Variants in SLC16A7 observed in about 807,000 individuals in gnomAD.
The protein encoded by SLC16A7 is solute carrier family 16 member 7.
SLC16A7 carries 33 observed loss-of-function variants against 34.9 expected under a neutral mutation model. That is an observed-to-expected ratio of 0.94 (90% CI 0.72 to 1.26). The LOEUF (loss-of-function observed/expected upper bound fraction) is 1.26. SLC16A7 is among the 50% of genes most tolerant of loss of function. The pLI is 0.00. For synonymous variants in SLC16A7, 201 were observed against 206.6 expected, an observed-to-expected ratio of 0.97 and a Z score of 0.23; for missense variants, 573 against 578.1, an observed-to-expected ratio of 0.99 and a Z score of 0.09.
intron 1 of SLC16A7, among the ~76,000 whole-genome samples, chr12:59,643,385 T>C (rs1880772223): frequency 6.6e-6 from 1 of 152,196 alleles, no homozygotes; most frequent in Admixed American, 6.5e-5. Context: ...TATATGTCTA[T>C]AAATCTAGTT....
rs569103538 is a variant in SLC16A7 at position 59,668,402 on chromosome 12, T to C, written c.-31+13152T>C. ...CTCTTGCATCAGCATGTCCTGGATT[T>C]GGGACATGTAATCAAAGGAGATCAT... On this transcript the variant is annotated intron_variant, in intron 2 of 5. Transcript: ENST00000547379. Among the ~76,000 whole-genome samples, 97 of 152,326 alleles carry C rather than the reference T, an allele frequency of 6.4e-4. 1 individual carries two copies. Among genetic ancestry groups the C allele is most frequent in the African/African-American group, 2.1e-3 (89 of 41,580 alleles).
At chr12:59,710,739 T>C (rs935225915) in intron 3 of SLC16A7, among the ~76,000 whole-genome samples, 6 of 152,168 alleles carry the variant, frequency 3.9e-5, no homozygotes, top group African/African-American at 1.4e-4. Flanking sequence ...TTCAAAAATA[T>C]GTTATTATAT....
At chr12:59,710,743 A>G (rs1415427151) in intron 3 of SLC16A7, among the ~76,000 whole-genome samples, 1 of 152,188 alleles carries the variant, frequency 6.6e-6, no homozygotes, top group Non-Finnish European at 1.5e-5. Flanking sequence ...AAAATATGTT[A>G]TTATATCATT....
At chr12:59,607,393 A>C (rs1878995222) in intron 1 of SLC16A7, among the ~76,000 whole-genome samples, 1 of 152,196 alleles carries the variant, frequency 6.6e-6, no homozygotes, top group African/African-American at 2.4e-5. Context: ...ACTCTATATA[A>C]TTTATATAAT....
chr12:59,741,519 C>T (rs2706302), intron 3 of SLC16A7, among the ~76,000 whole-genome samples: 18,629 of 152,132 alleles, frequency 0.12, 1,480 homozygotes, highest in African/African-American at 0.22. Context: ...GATACAGTGA[C>T]GGGTTCTGCT....
chr12:59,689,056 T>A (rs1335031775), intron 2 of SLC16A7, among the ~76,000 whole-genome samples: 1 of 151,998 alleles, frequency 6.6e-6, no homozygotes, highest in Non-Finnish European at 1.5e-5. Flanking sequence ...TTATCACATA[T>A]TTGGAATTAT....
Position 59,647,469 on chromosome 12 carries a change from G to T in SLC16A7, c.-129-7683G>T, listed in dbSNP as rs1240580125. On this transcript the variant is annotated intron_variant, in intron 1 of 5. Coordinates refer to ENST00000547379, the MANE Select transcript of SLC16A7 (RefSeq NM_001270623.2). ...TTGTAAGTTTCCCAAGGCCTCCCTA[G>T]CCCTGTGGAACTGTGAGTCAATTAA... Among the ~76,000 whole-genome samples, 3 of 152,132 alleles carry T rather than the reference G, an allele frequency of 2.0e-5. No individual in the cohort carries two copies. The East Asian group carries it at 5.8e-4, about 29-fold the overall frequency.
chr12:59,663,417 T>C (rs987204961), intron 2 of SLC16A7, among the ~76,000 whole-genome samples: 18 of 152,008 alleles, frequency 1.2e-4, no homozygotes, highest in African/African-American at 4.3e-4. Context: ...TCTTTTACCC[T>C]TTTTAAAAAA....
At chr12:59,719,115 C>G (rs887638018) in intron 3 of SLC16A7, among the ~76,000 whole-genome samples, 2 of 152,112 alleles carry the variant, frequency 1.3e-5, no homozygotes, top group Middle Eastern at 3.2e-3. Context: ...CAGACTATAA[C>G]ACAATAGGTG....
intron 2 of SLC16A7, among the ~76,000 whole-genome samples, chr12:59,693,180 T>C (rs1871881356): frequency 1.3e-5 from 2 of 151,960 alleles, no homozygotes; most frequent in Non-Finnish European, 2.9e-5. Context: ...GTGAAACCAA[T>C]AGTCTAAGAA....
chr12:59,670,633 C>T (rs1364548709), intron 2 of SLC16A7, among the ~76,000 whole-genome samples: 1 of 152,010 alleles, frequency 6.6e-6, no homozygotes, highest in Non-Finnish European at 1.5e-5. Context: ...TCCCAAGATA[C>T]AATGGTGGGA....
rs546335187 is a variant in SLC16A7 at position 59,786,396 on chromosome 12, C to T, written c.*6717C>T. 2 of 151,964 alleles carry T rather than the reference C, an allele frequency of 1.3e-5. No individual in the cohort carries two copies. The highest frequency in any genetic ancestry group is 2.1e-4 in the South Asian group (1 of 4,816). 9.4% of individuals were successfully genotyped at this position (151,964 alleles called of 1,614,324 possible). Reference sequence around the variant, plus strand: ...TTAGACTCAGTTTATATAGCTTCCTCGTTAGAGTACACATTTTTTTTCTCA... The same window carrying T: ...TTAGACTCAGTTTATATAGCTTCCTTGTTAGAGTACACATTTTTTTTCTCA... On this transcript the variant is annotated 3_prime_UTR_variant, in exon 6 of 6. Coordinates refer to ENST00000547379, the MANE Select transcript of SLC16A7 (RefSeq NM_001270623.2).
At chr12:59,670,094 G>C (rs926544398) in intron 2 of SLC16A7, among the ~76,000 whole-genome samples, 2 of 152,136 alleles carry the variant, frequency 1.3e-5, no homozygotes, top group African/African-American at 4.8e-5. Flanking sequence ...AGCTTCTAGG[G>C]GAATATCCTC....
chr12:59,683,078 T>A (rs1210218817), intron 2 of SLC16A7, among the ~76,000 whole-genome samples: 1 of 151,688 alleles, frequency 6.6e-6, no homozygotes, highest in African/African-American at 2.4e-5. Flanking sequence ...AAAAAAAAAA[T>A]TGCATATTGA....
chr12:59,757,524 C>T (rs1880524284), intron 3 of SLC16A7, among the ~76,000 whole-genome samples: 1 of 152,046 alleles, frequency 6.6e-6, no homozygotes, highest in Non-Finnish European at 1.5e-5. Context: ...ATGATACAGG[C>T]ACTGGAACTA....
At chr12:59,606,211 C>T (rs1397306465) in intron 1 of SLC16A7, among the ~76,000 whole-genome samples, 6 of 152,094 alleles carry the variant, frequency 3.9e-5, no homozygotes, top group Non-Finnish European at 1.5e-5. Flanking sequence ...ATTCTAGTTT[C>T]TGGCACATAT....
intron 2 of SLC16A7, among the ~76,000 whole-genome samples, chr12:59,680,479 C>T (rs1451170250): frequency 1.3e-5 from 2 of 152,124 alleles, no homozygotes; most frequent in African/African-American, 4.8e-5. Context: ...GGTTCTTTAG[C>T]CTCTACTCTT....
At chr12:59,713,309 C>A (rs184098242) in intron 3 of SLC16A7, among the ~76,000 whole-genome samples, 44 of 152,190 alleles carry the variant, frequency 2.9e-4, no homozygotes, top group Admixed American at 1.8e-3. Context: ...CATGAGCCAC[C>A]GCACCCAGCT....
intron 2 of SLC16A7, among the ~76,000 whole-genome samples, chr12:59,673,393 G>A (rs1429993831): frequency 6.6e-6 from 1 of 151,768 alleles, no homozygotes; most frequent in Middle Eastern, 3.2e-3. Context: ...TAGAATAAGT[G>A]ACTCCCATGA....
Sources: gnomAD v4.1 joint callset for allele counts (sites outside exome capture counted in the v4.1 genomes callset) on GRCh38, gnomAD v4.1.1 for gene constraint, MANE v1.5 for transcripts, NCBI Gene and HGNC (gene_info 2026-07-23, HGNC 2026-07-21) for gene names.